The following LRBA variants were observed in gnomAD, a reference collection of about 807,000 sequenced individuals.
LRBA encodes LPS responsive beige-like anchor protein, also known as lipopolysaccharide-responsive and beige-like anchor protein.
A neutral mutation model predicts 330.0 loss-of-function variants in LRBA; 176 were observed. The ratio of observed to expected loss-of-function variants is 0.53; its 90% CI spans 0.47 to 0.60. LRBA has a LOEUF of 0.60. LRBA is among the 20% of genes least tolerant of loss of function. The pLI is 0.00. For synonymous variants in LRBA, 1,230 were observed against 1,193.0 expected, an observed-to-expected ratio of 1.03 and a Z score of -0.64; for missense variants, 3,259 against 3,444.8, an observed-to-expected ratio of 0.95 and a Z score of 1.35.
At chr4:150,973,756 G>A (rs948929371) in intron 2 of LRBA, among the ~76,000 whole-genome samples, 4 of 152,132 alleles carry the variant, frequency 2.6e-5, no homozygotes, top group African/African-American at 9.7e-5. Flanking sequence ...ACTTCACGAG[G>A]CTGAAGCGAG....
At chr4:150,942,144 G>C (rs1322641635) in intron 2 of LRBA, among the ~76,000 whole-genome samples, 3 of 152,096 alleles carry the variant, frequency 2.0e-5, no homozygotes, top group Admixed American at 1.3e-4. Context: ...TCAGGTACTA[G>C]AAATCAAATC....
At chr4:150,334,831 G>GA (rs1491394794) in intron 48 of LRBA, among the ~76,000 whole-genome samples, 3 of 113,630 alleles carry the variant, frequency 2.6e-5, no homozygotes, top group African/African-American at 9.7e-5. Context: ...TTTTGTCTTG[G>GA]TTTTTTTTTT....
chr4:150,328,902 C>T (rs1223574040), intron 48 of LRBA, among the ~76,000 whole-genome samples: 1 of 152,140 alleles, frequency 6.6e-6, no homozygotes, highest in Non-Finnish European at 1.5e-5. Context: ...TTTAATATAA[C>T]TGGCCTTAAT....
chr4:150,757,947 TAAG>T (rs1734535957), intron 35 of LRBA, among the ~76,000 whole-genome samples: 1 of 151,972 alleles, frequency 6.6e-6, no homozygotes, highest in Admixed American at 6.6e-5. Context: ...CTCAACAGAA[TAAG>T]AAAAGCAAAG....
intron 40 of LRBA, among the ~76,000 whole-genome samples, chr4:150,563,696 C>T (rs758484037): frequency 6.6e-5 from 10 of 152,114 alleles, no homozygotes; most frequent in South Asian, 2.1e-4. Context: ...TCTCAGGATA[C>T]GAAATCAATG....
At chr4:150,488,797 A>G (rs528847020) in intron 41 of LRBA, among the ~76,000 whole-genome samples, 10 of 149,862 alleles carry the variant, frequency 6.7e-5, no homozygotes, top group African/African-American at 2.4e-4. Context: ...TTTTTAAAAC[A>G]CTGGCATTGC....
At chr4:150,355,455 C>G (rs183682257) in intron 47 of LRBA, among the ~76,000 whole-genome samples, 3 of 152,032 alleles carry the variant, frequency 2.0e-5, no homozygotes, top group Admixed American at 1.3e-4. Flanking sequence ...TAAATAAAAA[C>G]TAGCAATATC....
chr4:150,368,216 C>T (rs73858559), intron 47 of LRBA, among the ~76,000 whole-genome samples: 4 of 152,190 alleles, frequency 2.6e-5, no homozygotes, highest in African/African-American at 9.6e-5. Context: ...TCACAGTTTA[C>T]CTTCGGAGAA....
chr4:150,683,958 AACAATGAG>A (rs1354274280), intron 36 of LRBA: 1 of 382,736 alleles, frequency 2.6e-6, no homozygotes, highest in Non-Finnish European at 4.7e-6. Flanking sequence ...TAGAGACCTG[AACAATGAG>A]ACAAAGACAG....
intron 47 of LRBA, among the ~76,000 whole-genome samples, chr4:150,412,270 T>C (rs146943210): frequency 2.2e-4 from 33 of 152,288 alleles, no homozygotes; most frequent in Admixed American, 3.9e-4. Context: ...ACTCAAGCAG[T>C]AGGAATCACT....
intron 48 of LRBA, among the ~76,000 whole-genome samples, chr4:150,345,323 A>G (rs1203102414): frequency 6.6e-6 from 1 of 152,198 alleles, no homozygotes; most frequent in Non-Finnish European, 1.5e-5. Context: ...AAATGAATAA[A>G]TTAATGACCT....
At chr4:150,850,688 T>C in intron 24 of LRBA, 36 bp downstream of exon 24, 2 of 1,354,166 alleles carry the variant, frequency 1.5e-6, no homozygotes, top group Non-Finnish European at 2.1e-6. Flanking sequence ...AAGACTAGGT[T>C]TATACACATC....
At chr4:150,495,712 TA>T (rs1489961572) in intron 40 of LRBA, among the ~76,000 whole-genome samples, 1 of 152,146 alleles carries the variant, frequency 6.6e-6, no homozygotes, top group Non-Finnish European at 1.5e-5. Context: ...AGAGTTCAAT[TA>T]AAACTGGATT....
chr4:150,938,492 G>T (rs763393127), intron 2 of LRBA, among the ~76,000 whole-genome samples: 3 of 152,096 alleles, frequency 2.0e-5, no homozygotes, highest in Non-Finnish European at 2.9e-5. Flanking sequence ...GGCACACAGA[G>T]CCCAGGAAAA....
At chr4:150,688,393 G>A (rs1252730503) in intron 36 of LRBA, among the ~76,000 whole-genome samples, 3 of 152,124 alleles carry the variant, frequency 2.0e-5, no homozygotes, top group African/African-American at 7.2e-5. Context: ...CATAGGCATG[G>A]GCAAAGACTT....
Position 150,765,871 on chromosome 4 carries a change from TG to T in LRBA, c.5581-4025del, listed in dbSNP as rs1229659448. 1.5e-4 allele frequency among the ~76,000 whole-genome samples: 23 copies of T among 152,258 alleles called. 1 individual carries two copies. The East Asian group carries it at 2.9e-3, about 19-fold the overall frequency. On this transcript the variant is annotated intron_variant, in intron 34 of 56. Transcript: ENST00000651943. Reference sequence around the variant, plus strand: ...TCACAAAGATTTTAAGTAGCATTATTGGGGTTAGACTGAAAACCAGTTAAAG... The same window carrying T: ...TCACAAAGATTTTAAGTAGCATTATTGGGTTAGACTGAAAACCAGTTAAAG...
chr4:150,946,863 C>A lies in LRBA; in HGVS notation c.217-17798G>T, dbSNP rs576030777. Among the ~76,000 whole-genome samples the A allele has an allele frequency of 2.7e-5, 4 of 150,390 alleles. No individual in the cohort carries two copies. In the East Asian group the frequency reaches 7.8e-4, roughly 29 times the overall value. The stretch of plus-strand genomic sequence containing the variant: ...ACTTAAAAAGCAGCAAGAAATAAGA[C>A]ACAAATTACTAGTATCAGGGAGAAA... On this transcript the variant is annotated intron_variant, in intron 2 of 56. Transcript: ENST00000651943.
chr4:150,724,374 T>A (rs1403946946), intron 36 of LRBA, among the ~76,000 whole-genome samples: 1 of 152,170 alleles, frequency 6.6e-6, no homozygotes. Flanking sequence ...AAATGGTACC[T>A]CTACGAGTCA....
intron 37 of LRBA, among the ~76,000 whole-genome samples, chr4:150,621,035 G>C (rs1426694537): frequency 6.6e-6 from 1 of 151,770 alleles, no homozygotes; most frequent in Admixed American, 6.6e-5. Flanking sequence ...GATAAAAAGT[G>C]CTCACCAGCA....
Sources: gnomAD v4.1 joint callset for allele counts (sites outside exome capture counted in the v4.1 genomes callset) on GRCh38, gnomAD v4.1.1 for gene constraint, MANE v1.5 for transcripts, NCBI Gene and HGNC (gene_info 2026-07-23, HGNC 2026-07-21) for gene names.